The following ATXN7L1 variants were observed in gnomAD, a reference collection of about 807,000 sequenced individuals.
ATXN7L1 encodes ataxin 7 like 1, also known as ataxin-7-like protein 1.
ATXN7L1 carries 15 observed loss-of-function variants against 70.8 expected under a neutral mutation model. The ratio of observed to expected loss-of-function variants is 0.21; its 90% CI spans 0.14 to 0.33. ATXN7L1 has a LOEUF of 0.33. Among genes scored for constraint, ATXN7L1 ranks in the 10% least tolerant of loss-of-function variants. The probability of loss-of-function intolerance (pLI) is 1.00; values close to 1 mark genes in which losing one functional copy is unlikely to be tolerated. For synonymous variants in ATXN7L1, 440 were observed against 445.1 expected (o/e 0.99, Z 0.14); for missense variants, 975 against 1,097.1 (o/e 0.89, Z 1.57).
intron 3 of ATXN7L1, among the ~76,000 whole-genome samples, chr7:105,702,491 G>A (rs1792571166): frequency 1.3e-5 from 2 of 151,856 alleles, no homozygotes; most frequent in Non-Finnish European, 2.9e-5. Context: ...AGGCAAATTA[G>A]GACTTCTGGT....
At chr7:105,823,264 T>C (rs1183391262) in intron 2 of ATXN7L1, among the ~76,000 whole-genome samples, 1 of 152,174 alleles carries the variant, frequency 6.6e-6, no homozygotes, top group Non-Finnish European at 1.5e-5. Flanking sequence ...TCTTTTGTTG[T>C]AAAAGGCTAT....
chr7:105,764,502 G>C (rs951883071), intron 3 of ATXN7L1, among the ~76,000 whole-genome samples: 3 of 152,160 alleles, frequency 2.0e-5, no homozygotes, highest in African/African-American at 7.2e-5. Context: ...CCCTCCAGGG[G>C]ATTCTGACAC....
intron 2 of ATXN7L1, among the ~76,000 whole-genome samples, chr7:105,833,643 T>C (rs1401834456): frequency 6.6e-6 from 1 of 152,240 alleles, no homozygotes; most frequent in Non-Finnish European, 1.5e-5. Context: ...AGAGAAAGTA[T>C]AGTTAACATT....
intron 7 of ATXN7L1, among the ~76,000 whole-genome samples, chr7:105,624,651 A>AAC (rs1795423965): frequency 6.6e-6 from 1 of 150,932 alleles, no homozygotes; most frequent in Admixed American, 6.6e-5. Context: ...CTCTGTCTCA[A>AAC]AAAAAAAAAA....
At chr7:105,737,524 TCC>T (rs1453759550) in intron 3 of ATXN7L1, among the ~76,000 whole-genome samples, 5 of 135,306 alleles carry the variant, frequency 3.7e-5, no homozygotes, top group African/African-American at 1.2e-4. Flanking sequence ...CCTACTAACG[TCC>T]CCGTGTGTGT....
intron 3 of ATXN7L1, among the ~76,000 whole-genome samples, chr7:105,727,669 CA>C (rs761366095): frequency 1.0e-3 from 78 of 75,920 alleles, no homozygotes; most frequent in South Asian, 3.8e-3. Flanking sequence ...AACTTCATCT[CA>C]AAAAAAAAAA....
chr7:105,681,493 C>T (rs1357555092), intron 3 of ATXN7L1, among the ~76,000 whole-genome samples: 1 of 152,086 alleles, frequency 6.6e-6, no homozygotes, highest in East Asian at 1.9e-4. Context: ...AAGAGTATGG[C>T]GGTTCCTCAA....
chr7:105,859,715 A>G lies in ATXN7L1; in HGVS notation c.250+16097T>C, dbSNP rs569048944. Reference sequence around the variant, plus strand: ...TGCACACCTACAAAATCACCTAATGACATAACTCTCAGAACATATCCCCAT... The same window carrying G: ...TGCACACCTACAAAATCACCTAATGGCATAACTCTCAGAACATATCCCCAT... On this transcript the variant is annotated intron_variant, in intron 2 of 11. Coordinates refer to ENST00000419735, the MANE Select transcript of ATXN7L1 (RefSeq NM_020725.2). Among the ~76,000 whole-genome samples the G allele has an allele frequency of 4.6e-5, 7 of 152,088 alleles. No homozygotes were observed. In the South Asian group the frequency reaches 1.2e-3, roughly 27 times the overall value.
chr7:105,678,654 G>A (rs1011134237), intron 3 of ATXN7L1, among the ~76,000 whole-genome samples: 2 of 152,142 alleles, frequency 1.3e-5, no homozygotes, highest in African/African-American at 2.4e-5. Context: ...GATAATACAC[G>A]GACATAAACA....
intron 3 of ATXN7L1, among the ~76,000 whole-genome samples, chr7:105,699,747 G>T (rs923343823): frequency 6.6e-6 from 1 of 152,094 alleles, no homozygotes; most frequent in African/African-American, 2.4e-5. Flanking sequence ...CATGATGATT[G>T]CCCCATCATC....
At chr7:105,725,271 T>C (rs890842662) in intron 3 of ATXN7L1, among the ~76,000 whole-genome samples, 3 of 152,164 alleles carry the variant, frequency 2.0e-5, no homozygotes, top group African/African-American at 7.2e-5. Context: ...ACCTCTGTTA[T>C]GAGACAAGCT....
In ATXN7L1 at chr7:105,662,028, T is replaced by G. The variant is rs1323147021; in HGVS notation, c.578+3038A>C. ...TTCTTTCTTTTCTTTCTTTCTTTCT[T>G]TCCTTCCTTCCTTCCTTCCTTCCTT... is the stretch of plus-strand genomic sequence containing the variant. On this transcript the variant is annotated intron_variant, in intron 4 of 11. Transcript: ENST00000419735. Among the ~76,000 whole-genome samples, 6 of 61,722 alleles carry G rather than the reference T, an allele frequency of 9.7e-5. No individual in the cohort carries two copies. The East Asian group carries it at 2.9e-3, about 29-fold the overall frequency. The allele number at this position is 61,722 out of a possible 152,430, so 40.5% of individuals were successfully genotyped here.
intron 3 of ATXN7L1, among the ~76,000 whole-genome samples, chr7:105,668,193 G>A (rs536479): frequency 0.15 from 22,174 of 152,174 alleles, 2,015 homozygotes; most frequent in African/African-American, 0.26. Context: ...AAGAATTCTC[G>A]TTAGTGGTTC....
chr7:105,819,468 TC>T, intron 2 of ATXN7L1: 1 of 703,616 alleles, frequency 1.4e-6, no homozygotes, highest in Non-Finnish European at 2.5e-6. Flanking sequence ...AAAAAGAGTG[TC>T]CTTTCCCAGG....
chr7:105,623,527 A>G (rs1426829138), intron 8 of ATXN7L1, among the ~76,000 whole-genome samples: 2 of 152,210 alleles, frequency 1.3e-5, no homozygotes, highest in African/African-American at 4.8e-5. Context: ...ATCAGCAATC[A>G]TGGTGACCTG....
At chr7:105,727,767 T>TATATATATATATATATATATATATA (rs34755557) in intron 3 of ATXN7L1, among the ~76,000 whole-genome samples, 14 of 100,260 alleles carry the variant, frequency 1.4e-4, no homozygotes, top group African/African-American at 4.4e-4. Flanking sequence ...TATATATATA[T>TATATATATATATATATATATATATA]ATATATATAT....
chr7:105,719,125 C>G (rs753387832), intron 3 of ATXN7L1, among the ~76,000 whole-genome samples: 1 of 152,038 alleles, frequency 6.6e-6, no homozygotes. Context: ...GAGCAGGAGC[C>G]GAAGAACAGG....
chr7:105,822,077 A>T (rs919782962), intron 2 of ATXN7L1, among the ~76,000 whole-genome samples: 31 of 152,236 alleles, frequency 2.0e-4, no homozygotes, highest in African/African-American at 7.5e-4. Flanking sequence ...TCAGCTGGAC[A>T]CACTGAAATT....
chr7:105,741,486 G>A (rs1798015729), intron 3 of ATXN7L1, among the ~76,000 whole-genome samples: 1 of 152,154 alleles, frequency 6.6e-6, no homozygotes, highest in African/African-American at 2.4e-5. Flanking sequence ...TCTCATAGAA[G>A]TATCAGTACG....
Sources: gnomAD v4.1 joint callset for allele counts (sites outside exome capture counted in the v4.1 genomes callset) on GRCh38, gnomAD v4.1.1 for gene constraint, MANE v1.5 for transcripts, NCBI Gene and HGNC (gene_info 2026-07-23, HGNC 2026-07-21) for gene names.